Variants in PTPRD observed in about 807,000 individuals in gnomAD.
PTPRD encodes protein tyrosine phosphatase receptor type D.
In PTPRD, 34 loss-of-function variants were observed where a neutral mutation model predicts 214.5. The ratio of observed to expected loss-of-function variants is 0.16; its 90% CI spans 0.12 to 0.21. PTPRD has a LOEUF of 0.21. PTPRD is among the 10% of genes least tolerant of loss of function. The pLI, the probability that PTPRD is intolerant of heterozygous loss-of-function variation, is 1.00. For missense variants in PTPRD, 2,545 were observed against 2,398.7 expected (o/e 1.06, Z -1.27); for synonymous variants, 1,128 against 845.7 (o/e 1.33, Z -5.79).
chr9:10,534,377 A>AT (rs1415347786), intron 2 of PTPRD, among the ~76,000 whole-genome samples: 18 of 152,088 alleles, frequency 1.2e-4, no homozygotes, highest in African/African-American at 3.4e-4. Flanking sequence ...AACTTTCATG[A>AT]TAAAATATTT....
At chr9:8,567,548 G>C (rs2089730294) in intron 14 of PTPRD, among the ~76,000 whole-genome samples, 1 of 152,142 alleles carries the variant, frequency 6.6e-6, no homozygotes, top group Non-Finnish European at 1.5e-5. Context: ...CAGTCATCAT[G>C]GTATTTCCAG....
intron 4 of PTPRD, among the ~76,000 whole-genome samples, chr9:9,954,343 A>G (rs2093724085): frequency 6.6e-6 from 1 of 150,756 alleles, no homozygotes; most frequent in East Asian, 1.9e-4. Context: ...TCCTATAAAC[A>G]GTATTACTAA....
At chr9:9,551,823 A>C (rs2080343650) in intron 8 of PTPRD, among the ~76,000 whole-genome samples, 1 of 151,986 alleles carries the variant, frequency 6.6e-6, no homozygotes, top group Non-Finnish European at 1.5e-5. Context: ...CTGCTAGTGG[A>C]CTGTAATTTA....
intron 10 of PTPRD, among the ~76,000 whole-genome samples, chr9:9,138,390 T>C (rs1040465835): frequency 2.0e-5 from 3 of 152,170 alleles, no homozygotes; most frequent in Non-Finnish European, 4.4e-5. Context: ...ATTATTATTA[T>C]CATTATTGAG....
intron 2 of PTPRD, among the ~76,000 whole-genome samples, chr9:10,418,720 T>C (rs1008229688): frequency 6.6e-6 from 1 of 151,704 alleles, no homozygotes; most frequent in Non-Finnish European, 1.5e-5. Flanking sequence ...TAGGTACTCA[T>C]TAATAATAAT....
intron 34 of PTPRD, chr9:8,437,317 T>C (rs1175600053): frequency 1.4e-5 from 17 of 1,193,446 alleles, no homozygotes; most frequent in African/African-American, 6.2e-5. Context: ...AAGCCTGATA[T>C]ATTTTTTAAA....
chr9:8,793,444 G>T (rs1453089469), intron 11 of PTPRD, among the ~76,000 whole-genome samples: 1 of 152,150 alleles, frequency 6.6e-6, no homozygotes, highest in African/African-American at 2.4e-5. Flanking sequence ...CTAACATTCT[G>T]ACTGCAGCTT....
At chr9:9,376,242 G>A (rs751050986) in intron 9 of PTPRD, among the ~76,000 whole-genome samples, 8 of 152,068 alleles carry the variant, frequency 5.3e-5, no homozygotes, top group Non-Finnish European at 1.2e-4. Context: ...TATAGGATAG[G>A]TAAAATTGTT....
intron 9 of PTPRD, among the ~76,000 whole-genome samples, chr9:9,207,678 C>G (rs2099945725): frequency 6.6e-6 from 1 of 152,106 alleles, no homozygotes; most frequent in African/African-American, 2.4e-5. Flanking sequence ...TGCATTTACC[C>G]TTTGACCTAG....
intron 3 of PTPRD, among the ~76,000 whole-genome samples, chr9:10,117,612 G>GT (rs35593505): frequency 0.011 from 1,520 of 144,652 alleles, 27 homozygotes; most frequent in African/African-American, 0.035. Flanking sequence ...AAATCTCCCC[G>GT]TTTTTTTTTT....
chr9:8,736,767 A>G lies in PTPRD; in HGVS notation c.-103-2821T>C, dbSNP rs151169734. ...AGTGGTACAGTGGAAAACTTCTTGA[A>G]TCCAGAAGCTGGCCAGCTGTTCCAA... On this transcript the variant is annotated intron_variant, in intron 11 of 45. Transcript: ENST00000381196. 2.3e-4 allele frequency among the ~76,000 whole-genome samples: 35 copies of G among 152,090 alleles called. No individual in the cohort carries two copies. In the East Asian group the frequency reaches 6.6e-3, roughly 29 times the overall value.
intron 35 of PTPRD, among the ~76,000 whole-genome samples, chr9:8,421,188 G>A (rs975056268): frequency 6.6e-6 from 1 of 152,142 alleles, no homozygotes; most frequent in African/African-American, 2.4e-5. Flanking sequence ...GAAAGTGGGA[G>A]ATGCAAAGAG....
intron 5 of PTPRD, among the ~76,000 whole-genome samples, chr9:9,841,717 A>C (rs2058371906): frequency 1.3e-5 from 2 of 152,028 alleles, no homozygotes; most frequent in Non-Finnish European, 2.9e-5. Flanking sequence ...GACTTTCCTG[A>C]ATCTTACCTT....
intron 7 of PTPRD, among the ~76,000 whole-genome samples, chr9:9,720,979 T>C (rs1410766142): frequency 6.6e-6 from 1 of 151,964 alleles, no homozygotes; most frequent in Non-Finnish European, 1.5e-5. Flanking sequence ...TGGAGACTAT[T>C]TGAGGGTGTA....
rs542752335 is a variant in PTPRD at position 8,917,114 on chromosome 9, T to TTTC, written c.-104+101580_-104+101582dup. 1.0e-2 allele frequency among the ~76,000 whole-genome samples: 1,490 copies of TTTC among 149,678 alleles called. 55 individuals carry two copies. In the East Asian group the frequency reaches 0.1, roughly 11 times the overall value. On this transcript the variant is annotated intron_variant, in intron 11 of 45. Transcript: ENST00000381196. ...GCAATGAGAATCACATAATAGATTATTTCTTCTTCTTCTTCTTCTTCTTTT... is the reference window on the plus strand; with the variant it reads ...GCAATGAGAATCACATAATAGATTATTTCTTCTTCTTCTTCTTCTTCTTCTTTT...
At chr9:8,405,134 A>G (rs1321529493) in intron 35 of PTPRD, among the ~76,000 whole-genome samples, 3 of 152,122 alleles carry the variant, frequency 2.0e-5, no homozygotes, top group Non-Finnish European at 4.4e-5. Context: ...CTTTATCTAC[A>G]TGTTCACAAC....
At chr9:10,328,254 TC>T (rs2096681354) in intron 3 of PTPRD, among the ~76,000 whole-genome samples, 2 of 151,728 alleles carry the variant, frequency 1.3e-5, no homozygotes, top group Non-Finnish European at 2.9e-5. Context: ...TTTCTTATTT[TC>T]TTAGTAGCTC....
chr9:9,486,150 CAAAAAAAAAAAAAAAAAAAAAA>C lies in PTPRD; in HGVS notation c.-237+88560_-237+88581del, dbSNP rs71319226. Among the ~76,000 whole-genome samples the C allele has an allele frequency of 5.6e-4, 17 of 30,166 alleles. 1 individual carries two copies. Among genetic ancestry groups the C allele is most frequent in the Middle Eastern group, 0.036 (1 of 28 alleles). 19.8% of individuals were successfully genotyped at this position (30,166 alleles called of 152,430 possible). ...TGGGCAACAGAGCAAGACTCTCTCT[CAAAAAAAAAAAAAAAAAAAAAA>C]AAAAAAAAAAAAAGCCTTCCCTTGA... On this transcript the variant is annotated intron_variant, in intron 8 of 45. Coordinates refer to ENST00000381196, the MANE Select transcript of PTPRD (RefSeq NM_002839.4).
chr9:10,051,994 G>T, intron 3 of PTPRD, among the ~76,000 whole-genome samples: 1 of 152,094 alleles, frequency 6.6e-6, no homozygotes, highest in African/African-American at 2.4e-5. Context: ...ACCCAGGCTG[G>T]AGTACAGTGT....
Sources: gnomAD v4.1 joint callset for allele counts (sites outside exome capture counted in the v4.1 genomes callset) on GRCh38, gnomAD v4.1.1 for gene constraint, MANE v1.5 for transcripts, NCBI Gene and HGNC (gene_info 2026-07-23, HGNC 2026-07-21) for gene names.